The following KIAA1217 variants were observed in gnomAD, a reference collection of about 807,000 sequenced individuals.
KIAA1217 encodes the protein KIAA1217.
KIAA1217 carries 88 observed loss-of-function variants against 163.9 expected under a neutral mutation model. The ratio of observed to expected loss-of-function variants is 0.54; its 90% CI spans 0.45 to 0.64. KIAA1217 has a LOEUF of 0.64. KIAA1217 is among the 30% of genes least tolerant of loss of function. The probability of loss-of-function intolerance (pLI) is 0.00; values close to 1 mark genes in which losing one functional copy is unlikely to be tolerated. For synonymous variants in KIAA1217, 903 were observed against 923.1 expected (o/e 0.98, Z 0.39); for missense variants, 2,372 against 2,475.0 (o/e 0.96, Z 0.88).
At chr10:23,752,431 A>G (rs932401685) in intron 1 of KIAA1217, among the ~76,000 whole-genome samples, 2 of 152,168 alleles carry the variant, frequency 1.3e-5, no homozygotes, top group African/African-American at 4.8e-5. Flanking sequence ...GCTTCAAATT[A>G]TGTGTGGGGG....
At chr10:24,468,445 A>G (rs1049777153) in intron 5 of KIAA1217, among the ~76,000 whole-genome samples, 1 of 152,186 alleles carries the variant, frequency 6.6e-6, no homozygotes, top group African/African-American at 2.4e-5. Flanking sequence ...AGCTTGGCAA[A>G]CCAACATAAG....
intron 2 of KIAA1217, among the ~76,000 whole-genome samples, chr10:24,375,803 G>A (rs1024771057): frequency 3.3e-5 from 5 of 152,188 alleles, no homozygotes; most frequent in South Asian, 2.1e-4. Context: ...ACAATAGAAC[G>A]TAATCTGAAG....
intron 5 of KIAA1217, among the ~76,000 whole-genome samples, chr10:24,439,941 T>C (rs2060353300): frequency 6.6e-6 from 1 of 152,216 alleles, no homozygotes; most frequent in Non-Finnish European, 1.5e-5. Context: ...CAGACATCTT[T>C]CAGGGACCAG....
rs374750962 is a variant in KIAA1217 at position 24,521,890 on chromosome 10, G to A, written c.2417G>A (p.Arg806His). ...EPHKLDSLLK[R>H]VRSMTDVLTM... is the part of the protein sequence containing the mutation. ...CACAAGCTGGACAGTCTCCTGAAGC[G>A]TGTGCGCAGCATGACAGACGTCCTG... The change falls in exon 12 of 21, where the codon CGT becomes CAT. Residue 806 changes from arginine to histidine, a missense_variant. Transcript: ENST00000376454. 1.2e-5 allele frequency: 20 copies of A among 1,613,348 alleles called. No homozygotes were observed. The highest frequency in any genetic ancestry group is 8.0e-5 in the African/African-American group (6 of 74,928).
chr10:24,533,022 GCACC>G, intron 15 of KIAA1217, 44 bp from the exon 16 acceptor site: 1 of 1,528,918 alleles, frequency 6.5e-7, no homozygotes, highest in Non-Finnish European at 8.8e-7. Context: ...TTTTTTGCTA[GCACC>G]TAGGAGATGT....
intron 9 of KIAA1217, among the ~76,000 whole-genome samples, chr10:24,504,185 G>A (rs1016460824): frequency 1.3e-5 from 2 of 152,174 alleles, no homozygotes; most frequent in African/African-American, 4.8e-5. Flanking sequence ...AACAAAGAAG[G>A]TCTTTGGTCA....
At chr10:24,109,132 A>ATTT in intron 2 of KIAA1217, among the ~76,000 whole-genome samples, 1 of 152,198 alleles carries the variant, frequency 6.6e-6, no homozygotes, top group African/African-American at 2.4e-5. Flanking sequence ...TGCCTGGCCA[A>ATTT]GACTGGGTAT....
chr10:24,384,424 G>A (rs1379159384), intron 3 of KIAA1217, among the ~76,000 whole-genome samples: 1 of 152,050 alleles, frequency 6.6e-6, no homozygotes, highest in African/African-American at 2.4e-5. Flanking sequence ...TACTAGAGTG[G>A]TACGTTTGTT....
chr10:23,877,650 G>A (rs571980630), intron 1 of KIAA1217, among the ~76,000 whole-genome samples: 3 of 152,080 alleles, frequency 2.0e-5, no homozygotes, highest in Admixed American at 6.5e-5. Context: ...TATGCACAAC[G>A]TGTGTCTTTA....
chr10:24,514,480 A>G (rs1564836312), intron 10 of KIAA1217, among the ~76,000 whole-genome samples: 2 of 151,994 alleles, frequency 1.3e-5, no homozygotes, highest in Admixed American at 6.6e-5. Context: ...GGAAAAAAAC[A>G]TCAATTTGAG....
chr10:23,866,170 G>C (rs1324917094), intron 1 of KIAA1217, among the ~76,000 whole-genome samples: 2 of 152,092 alleles, frequency 1.3e-5, no homozygotes, highest in Admixed American at 1.3e-4. Context: ...ATAGGATTCT[G>C]CTGGTGGCTG....
intron 1 of KIAA1217, among the ~76,000 whole-genome samples, chr10:23,958,524 CA>C (rs1422723946): frequency 6.6e-6 from 1 of 152,136 alleles, no homozygotes; most frequent in African/African-American, 2.4e-5. Flanking sequence ...AGACAGTGCA[CA>C]AAGCAAGGTT....
intron 3 of KIAA1217, among the ~76,000 whole-genome samples, chr10:24,382,936 T>C (rs1423341499): frequency 6.7e-6 from 1 of 149,164 alleles, no homozygotes; most frequent in East Asian, 2.1e-4. Flanking sequence ...CAGCCTCGAC[T>C]TCCCACGTTC....
chr10:24,276,831 A>ATC (rs1382439280), intron 2 of KIAA1217, among the ~76,000 whole-genome samples: 1 of 151,880 alleles, frequency 6.6e-6, no homozygotes, highest in Non-Finnish European at 1.5e-5. Context: ...GCTGGTCTGG[A>ATC]ACTCCTGACC....
chr10:24,003,223 A>T (rs183317989), intron 1 of KIAA1217, among the ~76,000 whole-genome samples: 3 of 152,208 alleles, frequency 2.0e-5, no homozygotes, highest in African/African-American at 7.2e-5. Flanking sequence ...TTCTTTAGGG[A>T]ACCTACACAC....
intron 1 of KIAA1217, among the ~76,000 whole-genome samples, chr10:23,893,587 G>A (rs887824351): frequency 6.6e-6 from 1 of 151,884 alleles, no homozygotes. Flanking sequence ...TGATGTGAGG[G>A]TGTCAATTTT....
intron 2 of KIAA1217, among the ~76,000 whole-genome samples, chr10:24,279,956 A>G (rs964121495): frequency 1.3e-5 from 2 of 152,216 alleles, no homozygotes; most frequent in Admixed American, 6.5e-5. Flanking sequence ...TTCATGGTGC[A>G]TGGAACTCAG....
In KIAA1217 at chr10:24,349,127, T is replaced by C. The variant is rs1399730580; in HGVS notation, c.355-31742T>C. ...CAGCCAGGGCAACAGAATAAGACCC[T>C]GTCTCAAAAAAAAAAAAAAAAAAAA... On this transcript the variant is annotated intron_variant, in intron 2 of 20. Transcript: ENST00000376454. Among the ~76,000 whole-genome samples, 7 of 119,402 alleles carry C rather than the reference T, an allele frequency of 5.9e-5. No individual in the cohort carries two copies. The East Asian group carries it at 1.1e-3, about 18-fold the overall frequency. 78.3% of individuals were successfully genotyped at this position (119,402 alleles called of 152,430 possible).
At chr10:24,402,844 A>C (rs1446368658) in intron 3 of KIAA1217, among the ~76,000 whole-genome samples, 1 of 152,084 alleles carries the variant, frequency 6.6e-6, no homozygotes, top group Admixed American at 6.5e-5. Flanking sequence ...TCTGAAGGAG[A>C]TCCAGTCTGG....
Sources: allele counts gnomAD v4.1 joint callset (sites outside exome capture counted in the v4.1 genomes callset), GRCh38; gene constraint gnomAD v4.1.1; transcripts MANE v1.5; gene names NCBI Gene and HGNC (gene_info 2026-07-23, HGNC 2026-07-21).